Variants in PCDHA8 observed in about 807,000 individuals in gnomAD.
PCDHA8 encodes the protein protocadherin alpha-8.
In PCDHA8, 53 loss-of-function variants were observed where a neutral mutation model predicts 61.8. The observed-to-expected ratio is 0.86, with a 90% CI of 0.69 to 1.08. The LOEUF is 1.08. PCDHA8 is among the 50% of genes least tolerant of loss of function. PCDHA8 has a pLI of 0.00. For synonymous variants in PCDHA8, 618 were observed against 556.6 expected (o/e 1.11, Z -1.55); for missense variants, 1,293 against 1,245.0 (o/e 1.04, Z -0.58).
intron 1 of PCDHA8, among the ~76,000 whole-genome samples, chr5:140,909,844 C>T (rs572833280): frequency 7.9e-5 from 12 of 152,276 alleles, no homozygotes; most frequent in African/African-American, 2.4e-4. Context: ...ACCACCAGGA[C>T]GTTTTCGGTC....
At chr5:140,993,521 G>C (rs1554253818) in intron 3 of PCDHA8, among the ~76,000 whole-genome samples, 4 of 151,128 alleles carry the variant, frequency 2.6e-5, no homozygotes, top group Admixed American at 2.0e-4. Flanking sequence ...GGGAGAGAGA[G>C]ACAGAGAGAG....
In PCDHA8 at chr5:140,970,051, C is replaced by T. The variant is rs915260486; in HGVS notation, c.2395-8898C>T. 4.0e-5 allele frequency among the ~76,000 whole-genome samples: 6 copies of T among 151,880 alleles called. No individual in the cohort carries two copies. The South Asian group carries it at 1.2e-3, about 32-fold the overall frequency. On this transcript the variant is annotated intron_variant, in intron 1 of 3. Coordinates refer to ENST00000531613, the MANE Select transcript of PCDHA8 (RefSeq NM_018911.3). Reference sequence around the variant, plus strand: ...TTAAGTACCAATTTGTCTGGTTGGTCCAGGGAGGTATTAGAATGAGTGGAT... The same window carrying T: ...TTAAGTACCAATTTGTCTGGTTGGTTCAGGGAGGTATTAGAATGAGTGGAT...
intron 3 of PCDHA8, among the ~76,000 whole-genome samples, chr5:140,983,980 G>A (rs1169839423): frequency 6.6e-6 from 1 of 152,286 alleles, no homozygotes; most frequent in African/African-American, 2.4e-5. Flanking sequence ...AAATATACGA[G>A]TTGAAGCAAT....
intron 1 of PCDHA8, among the ~76,000 whole-genome samples, chr5:140,924,207 T>C (rs2081717308): frequency 6.6e-6 from 1 of 152,198 alleles, no homozygotes. Flanking sequence ...AGAAATTTGG[T>C]GAAGAATAAG....
intron 1 of PCDHA8, among the ~76,000 whole-genome samples, chr5:140,919,580 A>G (rs1454243319): frequency 1.3e-5 from 2 of 152,194 alleles, no homozygotes; most frequent in African/African-American, 4.8e-5. Context: ...TTAGAATGTA[A>G]CATGGTAATT....
At chr5:140,917,330 A>G (rs155802) in intron 1 of PCDHA8, among the ~76,000 whole-genome samples, 15,235 of 96,446 alleles carry the variant, frequency 0.16, 1,247 homozygotes, top group East Asian at 0.38. Context: ...GTGGCGGGGG[A>G]GGGGGGGGAT....
At chr5:140,857,475 T>C in intron 1 of PCDHA8, 2 of 1,598,608 alleles carry the variant, frequency 1.3e-6, no homozygotes, top group Non-Finnish European at 1.7e-6. Flanking sequence ...ATCTTCACGG[T>C]GTCTGCGTGG....
At chr5:140,989,839 AGT>A (rs1161936815) in intron 3 of PCDHA8, among the ~76,000 whole-genome samples, 2 of 152,166 alleles carry the variant, frequency 1.3e-5, no homozygotes, top group Non-Finnish European at 2.9e-5. Context: ...CCTGTCAATG[AGT>A]GTGTGGACTG....
At chr5:140,846,871 A>G (rs1338632636) in intron 1 of PCDHA8, among the ~76,000 whole-genome samples, 1 of 149,786 alleles carries the variant, frequency 6.7e-6, no homozygotes, top group Non-Finnish European at 1.5e-5. Flanking sequence ...AACAGGTACA[A>G]GAGGTAAATC....
rs782296827 is a variant in PCDHA8, at chr5:140,858,349, C to T, written c.2394+14634C>T. The T allele has an allele frequency of 9.4e-6, 15 of 1,594,268 alleles. 2 individuals are homozygous for T. ...GGGAGGGCCTGCCCAAGGCGGACCT[C>T]ATGGCCTTCAGCCCCAGCCTTCCAC... On this transcript the variant is annotated intron_variant, in intron 1 of 3. Coordinates refer to ENST00000531613, the MANE Select transcript of PCDHA8 (RefSeq NM_018911.3).
At chr5:140,985,148 A>G (rs2097138818) in intron 3 of PCDHA8, among the ~76,000 whole-genome samples, 1 of 152,192 alleles carries the variant, frequency 6.6e-6, no homozygotes, top group South Asian at 2.1e-4. Context: ...CGTGTTAGCC[A>G]GGATTGTCTC....
intron 1 of PCDHA8, chr5:140,847,818 C>T (rs1781197996): frequency 1.3e-5 from 2 of 149,818 alleles, no homozygotes; most frequent in African/African-American, 2.4e-5. Flanking sequence ...CATAGAATTA[C>T]TCAAGAAAAC....
chr5:140,980,714 G>A (rs958793243), intron 2 of PCDHA8, among the ~76,000 whole-genome samples: 7 of 151,264 alleles, frequency 4.6e-5, no homozygotes, highest in African/African-American at 9.7e-5. Context: ...GCTCCTATTC[G>A]GGTTTCAATT....
At chr5:140,862,541 G>A (rs749747760) in intron 1 of PCDHA8, 2 of 445,208 alleles carry the variant, frequency 4.5e-6, no homozygotes, top group Non-Finnish European at 9.1e-6. Context: ...CGGGTCCGTG[G>A]AAGTGGCCGA....
chr5:140,863,411 T>G, intron 1 of PCDHA8: 4 of 754,032 alleles, frequency 5.3e-6, no homozygotes, highest in African/African-American at 1.8e-5. Context: ...CCCACGCTGG[T>G]GTACCGCAGC....
chr5:140,869,424 G>A, intron 1 of PCDHA8: 2 of 1,614,216 alleles, frequency 1.2e-6, no homozygotes, highest in African/African-American at 2.7e-5. Context: ...TCCACCTGGA[G>A]GTGATCGTGG....
chr5:140,972,316 GT>G (rs112435719), intron 1 of PCDHA8, among the ~76,000 whole-genome samples: 1,932 of 139,568 alleles, frequency 0.014, 18 homozygotes, highest in African/African-American at 0.036. Context: ...GTTTTTAGGT[GT>G]TTTTTTTTTT....
chr5:140,857,878 G>A (rs2044977263), intron 1 of PCDHA8: 5 of 1,597,814 alleles, frequency 3.1e-6, no homozygotes, highest in East Asian at 4.5e-5. Context: ...CGTATGAATT[G>A]CAGTCGGCGG....
At chr5:140,994,631 G>A (rs978359081) in intron 3 of PCDHA8, among the ~76,000 whole-genome samples, 1 of 152,106 alleles carries the variant, frequency 6.6e-6, no homozygotes, top group Non-Finnish European at 1.5e-5. Flanking sequence ...CTTGAACCTG[G>A]AAGGTGGAGG....
Sources: gnomAD v4.1 joint callset for allele counts (sites outside exome capture counted in the v4.1 genomes callset) on GRCh38, gnomAD v4.1.1 for gene constraint, MANE v1.5 for transcripts, NCBI Gene and HGNC (gene_info 2026-07-23, HGNC 2026-07-21) for gene names.